BNIPL: variants seen among roughly 807,000 people sequenced by gnomAD.
BNIPL encodes BCL2 interacting protein like.
A neutral mutation model predicts 47.0 loss-of-function variants in BNIPL; 33 were observed. The ratio of observed to expected loss-of-function variants is 0.70; its 90% CI spans 0.53 to 0.94. BNIPL has a LOEUF of 0.94. Ranked by LOEUF, BNIPL falls within the 40% of genes least tolerant of loss-of-function variation. The probability of loss-of-function intolerance (pLI) is 0.00; values close to 1 mark genes in which losing one functional copy is unlikely to be tolerated. For missense variants in BNIPL, 404 were observed against 445.2 expected (o/e 0.91, Z 0.83); for synonymous variants, 145 against 162.7 (o/e 0.89, Z 0.83).
In BNIPL at chr1:151,047,302, G is replaced by A. The variant is rs55935377; in HGVS notation, c.*615G>A. 1 of 153,438 alleles carries A rather than the reference G, an allele frequency of 6.5e-6. No homozygotes were observed. Among genetic ancestry groups the A allele is most frequent in the Non-Finnish European group, 1.4e-5 (1 of 69,050 alleles). The allele number at this position is 153,438 out of a possible 1,614,324, so 9.5% of individuals were successfully genotyped here. On this transcript the variant is annotated 3_prime_UTR_variant, in exon 10 of 10. Coordinates refer to ENST00000368931, the MANE Select transcript of BNIPL (RefSeq NM_138278.4). ...TCCTACTTTAGCTGTAGAACCTTGG[G>A]CAAATAACTTCATCTTTTTGGGTCC...
At position 151,036,766 on chromosome 1, in the gene BNIPL, G is replaced by T; in HGVS notation, c.41G>T (p.Gly14Val). The change falls in exon 1 of 10, where the codon GGG becomes GTG. Residue 14 changes from glycine (G) to valine (V), a missense_variant and splice_region_variant. Physicochemically the swap from Gly to Val is moderately radical, Grantham distance 109 (BLOSUM62 -3). Transcript: ENST00000368931. The part of the protein sequence containing the change: ...IQEAGKKTDV[G>V]VREIAEAPEL... ...GAGGCAGGAAAAAAGACAGATGTTG[G>T]GTAAGTAAGATCTTGGCTCACTTGA... is the stretch of plus-strand genomic sequence containing the variant. The T allele has an allele frequency of 4.4e-6, 7 of 1,608,526 alleles. No homozygotes were observed. Among genetic ancestry groups the T allele is most frequent in the Non-Finnish European group, 5.1e-6 (6 of 1,174,974 alleles).
intron 7 of BNIPL, among the ~76,000 whole-genome samples, chr1:151,045,292 C>A (rs587677958): frequency 2.7e-5 from 3 of 110,180 alleles, no homozygotes; most frequent in South Asian, 3.1e-4. Context: ...AAAAAAAAAT[C>A]CGGGCGCGAT....
At chr1:151,042,511 A>C (rs1168230851) in intron 4 of BNIPL, among the ~76,000 whole-genome samples, 1 of 152,130 alleles carries the variant, frequency 6.6e-6, no homozygotes, top group East Asian at 1.9e-4. Flanking sequence ...GCTAGAGTCA[A>C]AACAGAAGCC....
intron 1 of BNIPL, among the ~76,000 whole-genome samples, chr1:151,037,007 T>C (rs587776193): frequency 3.9e-5 from 6 of 152,302 alleles, no homozygotes; most frequent in African/African-American, 1.2e-4. Flanking sequence ...TTCTGTAATA[T>C]GTTGTACCTG....
At chr1:151,045,741 G>T in intron 7 of BNIPL, 56 bp from the exon 8 acceptor site, 1 of 1,613,290 alleles carries the variant, frequency 6.2e-7, no homozygotes, top group South Asian at 1.1e-5. Flanking sequence ...AGTTCCACGT[G>T]ATCTTCACAC....
At chr1:151,036,810 C>T (rs1571832604) in intron 1 of BNIPL, 44 bp downstream of exon 1, 3 of 1,560,492 alleles carry the variant, frequency 1.9e-6, no homozygotes, top group Non-Finnish European at 1.8e-6. Context: ...AGTGAATAAA[C>T]AGTCCGGAGA....
intron 7 of BNIPL, among the ~76,000 whole-genome samples, chr1:151,044,467 A>G (rs1358414162): frequency 2.6e-5 from 4 of 151,666 alleles, no homozygotes; most frequent in African/African-American, 9.7e-5. Context: ...TCACTGACCT[A>G]TGTGTCTTCT....
intron 4 of BNIPL, among the ~76,000 whole-genome samples, chr1:151,039,898 G>A (rs1675759622): frequency 1.3e-5 from 2 of 152,072 alleles, no homozygotes; most frequent in African/African-American, 4.8e-5. Flanking sequence ...TTACAGATGT[G>A]TGCTATCACG....
In BNIPL at chr1:151,046,716, CAGTT is replaced by C; in HGVS notation, c.*33_*36del. The C allele has an allele frequency of 3.2e-6, 5 of 1,545,688 alleles. No individual in the cohort carries two copies. Among genetic ancestry groups the C allele is most frequent in the Non-Finnish European group, 4.5e-6 (5 of 1,120,846 alleles). ...AGGACTGGATAAAAGGCCTTAGAAC[CAGTT>C]AGTGATCTGCCTACACCTGAATCCC... is the stretch of plus-strand genomic sequence containing the variant. On this transcript the variant is annotated 3_prime_UTR_variant, in exon 10 of 10. Transcript: ENST00000368931.
In BNIPL at chr1:151,046,786, C is replaced by T; in HGVS notation, c.*99C>T. ...GTTTTGTAAATCATCTTATCCCCAA[C>T]CTCAGTACCACCGGATCTTCACTTC... On this transcript the variant is annotated 3_prime_UTR_variant, in exon 10 of 10. Transcript: ENST00000368931. The T allele has an allele frequency of 7.4e-6, 7 of 946,376 alleles. 1 individual carries two copies. Among genetic ancestry groups the T allele is most frequent in the Non-Finnish European group, 1.1e-5 (7 of 632,448 alleles). The allele number at this position is 946,376 out of a possible 1,614,324, so 58.6% of individuals were successfully genotyped here. A position where few individuals can be genotyped will look rare whatever the true frequency, so the allele number is the denominator to read the frequency against.
Position 151,046,631 on chromosome 1 carries a change from T to C in BNIPL, c.1038-20T>C. ...CCTACCCCCTGAACCACTTCTCTCC[T>C]CCCCCTCTCCCTCTCCTAGGCTGGA... On this transcript the variant is annotated intron_variant, in intron 9 of 9. Coordinates refer to ENST00000368931, the MANE Select transcript of BNIPL (RefSeq NM_138278.4). The C allele has an allele frequency of 6.3e-7, 1 of 1,593,944 alleles. No individual in the cohort carries two copies. The highest frequency in any genetic ancestry group is 1.7e-5 in the Admixed American group (1 of 59,572).
intron 5 of BNIPL, 32 bp downstream of exon 5, chr1:151,043,170 C>T (rs186951276): frequency 6.3e-7 from 1 of 1,588,842 alleles, no homozygotes; most frequent in East Asian, 2.2e-5. Context: ...GTGTTAAGAG[C>T]TATGGCTTCT....
rs763282829 is a variant in BNIPL, at chr1:151,039,017, G to A, written c.424G>A (p.Glu142Lys). The A allele has an allele frequency of 6.3e-7, 1 of 1,577,316 alleles. No homozygotes were observed. The highest frequency in any genetic ancestry group is 8.6e-7 in the Non-Finnish European group (1 of 1,162,522). Residue 142 changes from glutamate to lysine, a missense_variant, in exon 4 of 10, where the codon GAA (glutamate) becomes AAA (lysine). Glu to Lys is a moderately conservative substitution (Grantham distance 56). Coordinates refer to ENST00000368931, the MANE Select transcript of BNIPL (RefSeq NM_138278.4). The stretch of plus-strand genomic sequence containing the variant: ...GCAGCTGGACAGTGGACATGAATTT[G>A]AATGGGAAGGTGGGAAACAAACCAG... ...SEQLDSGHEFEWEDELPRAEG... is the reference protein window; with the variant it reads ...SEQLDSGHEFKWEDELPRAEG...
chr1:151,043,775 T>C (rs1388629465), intron 7 of BNIPL, 48 bp downstream of exon 7: 9 of 1,534,250 alleles, frequency 5.9e-6, no homozygotes, highest in South Asian at 3.6e-5. Context: ...CATCTTTTTT[T>C]CCCCATCTTT....
chr1:151,046,786 C>CTG lies in BNIPL; in HGVS notation c.*99_*100insTG. On this transcript the variant is annotated 3_prime_UTR_variant, in exon 10 of 10. Coordinates refer to ENST00000368931, the MANE Select transcript of BNIPL (RefSeq NM_138278.4). ...GTTTTGTAAATCATCTTATCCCCAA[C>CTG]CTCAGTACCACCGGATCTTCACTTC... 4 of 946,370 alleles carry CTG rather than the reference C, an allele frequency of 4.2e-6. No individual in the cohort carries two copies. In the South Asian group the frequency reaches 5.4e-5, roughly 13 times the overall value. 58.6% of individuals were successfully genotyped at this position (946,370 alleles called of 1,614,324 possible).
chr1:151,039,810 G>A (rs186976578), intron 4 of BNIPL, among the ~76,000 whole-genome samples: 21 of 152,234 alleles, frequency 1.4e-4, no homozygotes, highest in Non-Finnish European at 2.8e-4. Flanking sequence ...GAGTAGAGTG[G>A]TGTGATATAG....
At chr1:151,044,758 T>G in intron 7 of BNIPL, 3 of 1,203,480 alleles carry the variant, frequency 2.5e-6, no homozygotes, top group Non-Finnish European at 3.2e-6. Context: ...CCTGGCCCTG[T>G]GTCTTCTTTT....
At position 151,037,616 on chromosome 1, in the gene BNIPL, G is replaced by A. The variant is rs1221752496; in HGVS notation, c.91G>A (p.Gly31Arg). 1 of 1,607,266 alleles carries A rather than the reference G, an allele frequency of 6.2e-7. No individual in the cohort carries two copies. Among genetic ancestry groups the A allele is most frequent in the Admixed American group, 1.7e-5 (1 of 59,042 alleles). ...APELGAALRH[G>R]ELELKEEWQD... is the part of the protein sequence containing the mutation. ...AGAACTAGGAGCAGCCCTGAGACATGGGGAGTTGGAGCTGAAGGAGGAATG... is the reference window on the plus strand; with the variant it reads ...AGAACTAGGAGCAGCCCTGAGACATAGGGAGTTGGAGCTGAAGGAGGAATG... The change falls in exon 2 of 10, where the codon GGG becomes AGG. Residue 31 changes from glycine to arginine, a missense_variant. Physicochemically the swap from Gly to Arg is moderately radical, Grantham distance 125. Transcript: ENST00000368931.
intron 9 of BNIPL, 141 bp downstream of exon 9, chr1:151,046,306 C>T (rs1480343111): frequency 2.3e-6 from 3 of 1,299,132 alleles, no homozygotes; most frequent in Non-Finnish European, 3.1e-6. Context: ...TATGGGGAAA[C>T]TGCACACACC....
Sources: gnomAD v4.1 joint callset for allele counts (sites outside exome capture counted in the v4.1 genomes callset) on GRCh38, gnomAD v4.1.1 for gene constraint, MANE v1.5 for transcripts, NCBI Gene and HGNC (gene_info 2026-07-23, HGNC 2026-07-21) for gene names.